Variants in FKBP9 observed in about 807,000 individuals in gnomAD.
The protein encoded by FKBP9 is FKBP prolyl isomerase 9.
Under a neutral mutation model 55.6 loss-of-function variants are expected in FKBP9, and 27 were observed. The observed-to-expected ratio is 0.49, with a 90% confidence interval of 0.36 to 0.67. The LOEUF (loss-of-function observed/expected upper bound fraction) is 0.67, where lower values mean the gene tolerates loss of function less well. FKBP9 is among the 30% of genes least tolerant of loss of function. The pLI is 0.00. For synonymous variants in FKBP9, 267 were observed against 296.5 expected (o/e 0.90, Z 1.02); for missense variants, 539 against 742.8 (o/e 0.73, Z 3.19).
At chr7:32,968,303 G>A (rs1784186251) in intron 1 of FKBP9, among the ~76,000 whole-genome samples, 1 of 152,240 alleles carries the variant, frequency 6.6e-6, no homozygotes, top group Non-Finnish European at 1.5e-5. Flanking sequence ...ACAGGCATGA[G>A]CCACTGCGTC....
At chr7:32,964,606 A>T (rs1784095919) in intron 1 of FKBP9, among the ~76,000 whole-genome samples, 2 of 151,420 alleles carry the variant, frequency 1.3e-5, no homozygotes, top group Non-Finnish European at 2.9e-5. Flanking sequence ...CTCCTCCCTC[A>T]CCTCCTCTAA....
intron 7 of FKBP9, among the ~76,000 whole-genome samples, chr7:32,996,652 T>C (rs1424814915): frequency 2.1e-5 from 3 of 139,612 alleles, no homozygotes; most frequent in Non-Finnish European, 3.2e-5. Context: ...CTTCCTTCCT[T>C]CCTTCCTTGC....
intron 8 of FKBP9, among the ~76,000 whole-genome samples, chr7:33,000,975 G>A (rs1784918826): frequency 6.6e-6 from 1 of 151,984 alleles, no homozygotes; most frequent in African/African-American, 2.4e-5. Flanking sequence ...ACAGAGTCTC[G>A]CTATCTTTCC....
At chr7:32,968,242 G>C (rs1784185394) in intron 1 of FKBP9, among the ~76,000 whole-genome samples, 1 of 152,174 alleles carries the variant, frequency 6.6e-6, no homozygotes. Context: ...TGTTTCACCA[G>C]GTTGCCTAGG....
At chr7:32,972,661 A>G (rs1784275682) in intron 1 of FKBP9, among the ~76,000 whole-genome samples, 2 of 152,180 alleles carry the variant, frequency 1.3e-5, no homozygotes, top group African/African-American at 4.8e-5. Context: ...GGATTTTTTC[A>G]TATGCATCTA....
chr7:32,977,126 C>A (rs1357582969), intron 4 of FKBP9, among the ~76,000 whole-genome samples: 1 of 152,170 alleles, frequency 6.6e-6, no homozygotes. Context: ...CAACTAGTGT[C>A]CTGTTTGTAG....
At chr7:33,004,249 C>T (rs1244916383) in intron 9 of FKBP9, among the ~76,000 whole-genome samples, 5 of 152,154 alleles carry the variant, frequency 3.3e-5, no homozygotes, top group African/African-American at 9.7e-5. Context: ...GTTCATGAAG[C>T]TCCTCCTGCC....
intron 1 of FKBP9, among the ~76,000 whole-genome samples, chr7:32,965,243 G>A: frequency 6.6e-6 from 1 of 152,002 alleles, no homozygotes; most frequent in Non-Finnish European, 1.5e-5. Flanking sequence ...CAATTCTCAT[G>A]CCTCAGCCAC....
At chr7:32,973,384 T>C (rs1784289330) in intron 1 of FKBP9, among the ~76,000 whole-genome samples, 1 of 152,172 alleles carries the variant, frequency 6.6e-6, no homozygotes, top group Non-Finnish European at 1.5e-5. Flanking sequence ...TTACCTGTGA[T>C]AATTATAGCA....
intron 8 of FKBP9, among the ~76,000 whole-genome samples, chr7:33,002,384 C>T (rs536049620): frequency 5.1e-4 from 78 of 152,248 alleles, no homozygotes; most frequent in Non-Finnish European, 9.1e-4. Context: ...CCGCCCGAGT[C>T]GGCCTCCCAA....
intron 7 of FKBP9, 54 bp downstream of exon 7, chr7:32,996,403 C>G: frequency 1.6e-6 from 2 of 1,223,010 alleles, no homozygotes; most frequent in Non-Finnish European, 1.2e-6. Flanking sequence ...CAGTTGCATG[C>G]TCCCACCATC....
chr7:33,004,069 G>A lies in FKBP9; in HGVS notation c.1537-1106G>A, dbSNP rs1020389959. ...TCCAGTGGCTCAGGCGAGAGCACTC[G>A]GTGATCTCTGACTCCTCTCTTTCTC... On this transcript the variant is annotated intron_variant, in intron 9 of 9. Coordinates refer to ENST00000242209, the MANE Select transcript of FKBP9 (RefSeq NM_007270.5). Among the ~76,000 whole-genome samples the A allele has an allele frequency of 5.9e-5, 9 of 152,064 alleles. No individual in the cohort carries two copies. In the East Asian group the frequency reaches 7.7e-4, roughly 13 times the overall value.
intron 1 of FKBP9, among the ~76,000 whole-genome samples, chr7:32,960,683 G>A (rs1238980008): frequency 6.6e-6 from 1 of 152,122 alleles, no homozygotes; most frequent in Admixed American, 6.6e-5. Flanking sequence ...AGAGCATGGA[G>A]GATCTACCAT....
rs1554287385 is a variant in FKBP9, at chr7:32,996,630, C to CTTCCTTCT, written c.1226+288_1226+289insTTTCCTTC. On this transcript the variant is annotated intron_variant, in intron 7 of 9. Transcript: ENST00000242209. ...CTTTCCTTCCTTCCTTCCTTCCTTCCTTCCTTCCTTCCTTCCTTCCTTCCT... is the reference window on the plus strand; with the variant it reads ...CTTTCCTTCCTTCCTTCCTTCCTTCCTTCCTTCTTTCCTTCCTTCCTTCCTTCCTTCCT... 2.1e-5 allele frequency among the ~76,000 whole-genome samples: 3 copies of CTTCCTTCT among 146,184 alleles called. No homozygotes were observed. The East Asian group carries it at 5.9e-4, about 29-fold the overall frequency.
intron 1 of FKBP9, among the ~76,000 whole-genome samples, chr7:32,968,230 G>A (rs1490660178): frequency 1.3e-5 from 2 of 152,140 alleles, no homozygotes; most frequent in Admixed American, 1.3e-4. Flanking sequence ...TTGTAAAGAT[G>A]GTGTTTCACC....
At chr7:32,979,421 AG>A in intron 4 of FKBP9, 2 of 1,023,384 alleles carry the variant, frequency 2.0e-6, no homozygotes, top group Non-Finnish European at 3.0e-6. Flanking sequence ...CTTGCATTCC[AG>A]GGGCTGACTC....
chr7:32,963,667 C>T (rs1784072774), intron 1 of FKBP9: 1 of 1,454,446 alleles, frequency 6.9e-7, no homozygotes, highest in Non-Finnish European at 9.1e-7. Context: ...GGAAGGATCT[C>T]CAATTCCTTG....
chr7:32,975,077 T>C lies in FKBP9; in HGVS notation c.368-105T>C. ...TTTGGGATTGTATAGCGGTGACTGC[T>C]TGAACCCTTTTGGCCCACATTCACC... On this transcript the variant is annotated intron_variant, in intron 2 of 9. Transcript: ENST00000242209. The C allele has an allele frequency of 6.7e-6, 6 of 889,972 alleles. No individual in the cohort carries two copies. The South Asian group carries it at 9.2e-5, about 14-fold the overall frequency. 55.1% of individuals were successfully genotyped at this position (889,972 alleles called of 1,614,324 possible).
chr7:32,973,198 A>T (rs2127979628), intron 1 of FKBP9, among the ~76,000 whole-genome samples: 1 of 152,212 alleles, frequency 6.6e-6, no homozygotes, highest in East Asian at 1.9e-4. Flanking sequence ...CCCCCAAAGC[A>T]CCTGGCACAG....
Sources: gnomAD v4.1 joint callset for allele counts (sites outside exome capture counted in the v4.1 genomes callset) on GRCh38, gnomAD v4.1.1 for gene constraint, MANE v1.5 for transcripts, NCBI Gene and HGNC (gene_info 2026-07-23, HGNC 2026-07-21) for gene names.